Variants in BABAM2 observed in about 807,000 individuals in gnomAD.
BABAM2 encodes the protein BRISC and BRCA1-A complex member 2.
Under a neutral mutation model 54.7 loss-of-function variants are expected in BABAM2, and 31 were observed. That is an observed-to-expected ratio of 0.57 (90% CI 0.43 to 0.77). The LOEUF is 0.77. BABAM2 is among the 30% of genes least tolerant of loss of function. The probability of loss-of-function intolerance (pLI) is 0.00; values close to 1 mark genes in which losing one functional copy is unlikely to be tolerated. For synonymous variants in BABAM2, 167 were observed against 162.9 expected (o/e 1.03, Z -0.19); for missense variants, 364 against 455.8 (o/e 0.80, Z 1.83).
At chr2:27,928,619 T>A (rs532982157) in intron 2 of BABAM2, among the ~76,000 whole-genome samples, 78 of 152,282 alleles carry the variant, frequency 5.1e-4, no homozygotes, top group African/African-American at 1.7e-3. Context: ...CAACTATGCA[T>A]CCATCCGTTA....
In BABAM2 at chr2:28,125,067, T is replaced by C. The variant is rs568525853; in HGVS notation, c.571-4204T>C. The stretch of plus-strand genomic sequence containing the variant: ...AAAGCAAGATGGATAATGGATTTGA[T>C]CAGGAAATTTACAAAAGAAATGTAG... On this transcript the variant is annotated intron_variant, in intron 6 of 11. Coordinates refer to ENST00000379624, the MANE Select transcript of BABAM2 (RefSeq NM_199191.3). 7.9e-5 allele frequency among the ~76,000 whole-genome samples: 12 copies of C among 152,194 alleles called. No individual in the cohort carries two copies. The South Asian group carries it at 2.3e-3, about 29-fold the overall frequency.
intron 11 of BABAM2, chr2:28,309,698 C>T (rs1288712943): frequency 1.6e-5 from 3 of 183,510 alleles, no homozygotes; most frequent in Non-Finnish European, 3.4e-5. Flanking sequence ...TTAAGGCCAC[C>T]CCATTAATGG....
intron 11 of BABAM2, 86 bp downstream of exon 11, chr2:28,298,577 G>T: frequency 4.0e-6 from 6 of 1,487,752 alleles, no homozygotes; most frequent in Non-Finnish European, 5.5e-6. Flanking sequence ...TTGCAGGTTA[G>T]TTCCTGCCCT....
chr2:27,970,021 T>C (rs572965167), intron 3 of BABAM2, among the ~76,000 whole-genome samples: 2 of 152,356 alleles, frequency 1.3e-5, no homozygotes, highest in East Asian at 3.9e-4. Flanking sequence ...CTTGCTACTC[T>C]GCTTTTGCTC....
chr2:27,963,469 C>CAAAAAAA (rs760525051), intron 3 of BABAM2, among the ~76,000 whole-genome samples: 44 of 54,242 alleles, frequency 8.1e-4, no homozygotes, highest in African/African-American at 1.3e-3. Context: ...GACTCTTTCT[C>CAAAAAAA]AAAAAAAAAA....
At chr2:28,118,104 C>T (rs1196920075) in intron 6 of BABAM2, among the ~76,000 whole-genome samples, 1 of 152,172 alleles carries the variant, frequency 6.6e-6, no homozygotes, top group Admixed American at 6.5e-5. Context: ...CATCACAACT[C>T]AGAGAAACTC....
At chr2:28,113,714 G>A (rs1473692001) in intron 6 of BABAM2, among the ~76,000 whole-genome samples, 2 of 152,130 alleles carry the variant, frequency 1.3e-5, no homozygotes, top group South Asian at 2.1e-4. Flanking sequence ...GATGGGAATA[G>A]CATTGAATCT....
intron 11 of BABAM2, among the ~76,000 whole-genome samples, chr2:28,326,528 G>A (rs1225111113): frequency 1.3e-5 from 2 of 152,178 alleles, no homozygotes; most frequent in Admixed American, 6.5e-5. Context: ...CCAGCCAGGT[G>A]CACCCATCTT....
At chr2:28,049,457 TA>T (rs1412564775) in intron 6 of BABAM2, among the ~76,000 whole-genome samples, 1 of 152,202 alleles carries the variant, frequency 6.6e-6, no homozygotes, top group Non-Finnish European at 1.5e-5. Flanking sequence ...GAAGTAAGGC[TA>T]TAACCAATTG....
intron 4 of BABAM2, among the ~76,000 whole-genome samples, chr2:27,992,744 T>A (rs564519365): frequency 1.3e-5 from 2 of 152,304 alleles, no homozygotes; most frequent in East Asian, 3.9e-4. Flanking sequence ...TAACTTGAAC[T>A]TCTTCTCTTT....
chr2:28,016,545 G>T lies in BABAM2; in HGVS notation c.301-8681G>T, dbSNP rs1342569105. 23 of 652,444 alleles carry T rather than the reference G, an allele frequency of 3.5e-5. No individual in the cohort carries two copies. The East Asian group carries it at 6.8e-4, about 19-fold the overall frequency. The allele number at this position is 652,444 out of a possible 1,614,324, so 40.4% of individuals were successfully genotyped here. A position where few individuals can be genotyped will look rare whatever the true frequency, so the allele number is the denominator to read the frequency against. ...ACTGGGCCGGAGAGATGGCCGAAGC[G>T]GGCCCGCCGCAGGTGCATTTCTTTC... On this transcript the variant is annotated intron_variant, in intron 4 of 11. Coordinates refer to ENST00000379624, the MANE Select transcript of BABAM2 (RefSeq NM_199191.3).
intron 7 of BABAM2, among the ~76,000 whole-genome samples, chr2:28,147,517 A>G (rs112665364): frequency 0.071 from 10,724 of 150,586 alleles, 438 homozygotes; most frequent in East Asian, 0.15. Flanking sequence ...TCTGTCCCCC[A>G]GGCTGGAATG....
At chr2:28,076,380 ACTC>A (rs1436368433) in intron 6 of BABAM2, among the ~76,000 whole-genome samples, 1 of 151,890 alleles carries the variant, frequency 6.6e-6, no homozygotes, top group African/African-American at 2.4e-5. Context: ...TATGGCAACA[ACTC>A]CTCTTTCAGT....
intron 2 of BABAM2, among the ~76,000 whole-genome samples, chr2:27,917,137 C>A (rs1357912327): frequency 6.6e-6 from 1 of 151,718 alleles, no homozygotes; most frequent in Non-Finnish European, 1.5e-5. Context: ...CCTGCCTCAG[C>A]CTCCCAAGTG....
At chr2:28,203,018 CTT>C (rs1454536207) in intron 7 of BABAM2, among the ~76,000 whole-genome samples, 1 of 152,142 alleles carries the variant, frequency 6.6e-6, no homozygotes, top group East Asian at 1.9e-4. Context: ...CACATCCTCT[CTT>C]GTGTGTAGGG....
intron 2 of BABAM2, among the ~76,000 whole-genome samples, chr2:27,909,358 A>G (rs1421428254): frequency 2.0e-5 from 3 of 152,034 alleles, no homozygotes; most frequent in Non-Finnish European, 4.4e-5. Flanking sequence ...TTGGCCATTT[A>G]TATATCTTCT....
rs779923259 is a variant in BABAM2, at chr2:28,020,971, A to ACACG, written c.301-4252_301-4251insGCAC. On this transcript the variant is annotated intron_variant, in intron 4 of 11. Transcript: ENST00000379624. Reference sequence around the variant, plus strand: ...CTCTCTGACACACACACACACACACACACACACACACACACACACAAACTA... The same window carrying ACACG: ...CTCTCTGACACACACACACACACACACACGCACACACACACACACACACAAACTA... Among the ~76,000 whole-genome samples, 483 of 151,790 alleles carry ACACG rather than the reference A, an allele frequency of 3.2e-3. 5 individuals carry two copies. Among genetic ancestry groups the ACACG allele is most frequent in the Middle Eastern group, 3.4e-3 (1 of 292 alleles).
At chr2:28,066,664 T>C (rs973282860) in intron 6 of BABAM2, among the ~76,000 whole-genome samples, 1 of 152,196 alleles carries the variant, frequency 6.6e-6, no homozygotes, top group Admixed American at 6.5e-5. Context: ...ATGGCTGTTA[T>C]TAGGAAGGCT....
intron 11 of BABAM2, among the ~76,000 whole-genome samples, chr2:28,332,328 G>A (rs1180372758): frequency 6.6e-6 from 1 of 152,184 alleles, no homozygotes; most frequent in African/African-American, 2.4e-5. Context: ...AGAGGTGCTA[G>A]TGTCTGAATT....
Sources: allele counts gnomAD v4.1 joint callset (sites outside exome capture counted in the v4.1 genomes callset), GRCh38; gene constraint gnomAD v4.1.1; transcripts MANE v1.5; gene names NCBI Gene and HGNC (gene_info 2026-07-23, HGNC 2026-07-21).